SLCO3A1: variants seen among roughly 807,000 people sequenced by gnomAD.
The protein encoded by SLCO3A1 is PGE1 transporter.
SLCO3A1 carries 27 observed loss-of-function variants against 63.1 expected under a neutral mutation model. The observed-to-expected ratio is 0.43, with a 90% CI of 0.32 to 0.59. SLCO3A1 has a LOEUF of 0.59. Among genes scored for constraint, SLCO3A1 ranks in the 20% least tolerant of loss-of-function variants. SLCO3A1 has a pLI of 0.09. For synonymous variants in SLCO3A1, 473 were observed against 409.9 expected, an observed-to-expected ratio of 1.15 and a Z score of -1.86; for missense variants, 773 against 945.8, an observed-to-expected ratio of 0.82 and a Z score of 2.40.
rs1171555216 is a variant in SLCO3A1, at chr15:91,954,575, C to T, written c.646+38117C>T. On this transcript the variant is annotated intron_variant, in intron 2 of 9. Coordinates refer to ENST00000318445, the MANE Select transcript of SLCO3A1 (RefSeq NM_013272.4). This position sits in a 1 kb window ranked among gnomAD's most constrained non-coding sequence, Gnocchi z 4.7. ...GGCTTTCCTGAGAAGTGAATCCAGG[C>T]GCAGAAGGAAGAGGAAGTGGAAGTT... 1.3e-5 allele frequency among the ~76,000 whole-genome samples: 2 copies of T among 152,008 alleles called. No homozygotes were observed. The highest frequency in any genetic ancestry group is 2.4e-5 in the African/African-American group (1 of 41,368).
intron 3 of SLCO3A1, among the ~76,000 whole-genome samples, chr15:92,101,185 C>T (rs1320404024): frequency 6.6e-6 from 1 of 152,126 alleles, no homozygotes; most frequent in Admixed American, 6.5e-5. Context: ...GGAGATTTTT[C>T]ACCAAAACTA....
At chr15:91,867,361 A>G (rs760725243) in intron 1 of SLCO3A1, among the ~76,000 whole-genome samples, 27 of 152,284 alleles carry the variant, frequency 1.8e-4, no homozygotes, top group Non-Finnish European at 2.9e-4. Flanking sequence ...GCTCACCAGT[A>G]TGGGTGCCAC....
chr15:92,043,598 T>C (rs887934964), intron 2 of SLCO3A1, among the ~76,000 whole-genome samples: 7 of 152,248 alleles, frequency 4.6e-5, no homozygotes, highest in Non-Finnish European at 8.8e-5. Flanking sequence ...AGCTTTTCAA[T>C]AGGCTCCATG....
At chr15:92,030,272 A>G (rs1207882808) in intron 2 of SLCO3A1, among the ~76,000 whole-genome samples, 1 of 152,162 alleles carries the variant, frequency 6.6e-6, no homozygotes, top group African/African-American at 2.4e-5. Flanking sequence ...TTATGAATTG[A>G]TGCTTTTCTT....
At chr15:91,996,055 T>C (rs114134902) in intron 2 of SLCO3A1, among the ~76,000 whole-genome samples, 2,531 of 152,144 alleles carry the variant, frequency 0.017, 79 homozygotes, top group African/African-American at 0.058. Flanking sequence ...CAAAATAAGA[T>C]TAGAAAAGAA....
chr15:91,947,826 G>A (rs999857849), intron 2 of SLCO3A1, among the ~76,000 whole-genome samples: 1 of 152,140 alleles, frequency 6.6e-6, no homozygotes, highest in Non-Finnish European at 1.5e-5. Flanking sequence ...CTAGCAGCCA[G>A]GTGACTTTGG....
In SLCO3A1 at chr15:92,033,519, G is replaced by A. The variant is rs941961009; in HGVS notation, c.647-61362G>A. Among the ~76,000 whole-genome samples the A allele has an allele frequency of 1.3e-5, 2 of 152,230 alleles. No homozygotes were observed. Among genetic ancestry groups the A allele is most frequent in the Non-Finnish European group, 2.9e-5 (2 of 68,046 alleles). ...GTGGGCAAAGGAGAACGAGGGAGGA[G>A]CAGAGGGTGACTTCCAGCTGGGACT... On this transcript the variant is annotated intron_variant, in intron 2 of 9. Transcript: ENST00000318445. This position sits in a 1 kb window ranked among gnomAD's most constrained non-coding sequence, Gnocchi z 4.5.
At position 91,942,729 on chromosome 15, in the gene SLCO3A1, C is replaced by T. The variant is rs115857667; in HGVS notation, c.646+26271C>T. 0.013 allele frequency among the ~76,000 whole-genome samples: 1,927 copies of T among 152,178 alleles called. 52 individuals carry two copies. The highest frequency in any genetic ancestry group is 0.042 in the African/African-American group (1,750 of 41,488). On this transcript the variant is annotated intron_variant, in intron 2 of 9. Transcript: ENST00000318445. The surrounding 1 kb of genome is among the most constrained non-coding windows in gnomAD (Gnocchi z 4.1). ...AATTACAGGCGTGCACCACCACGCC[C>T]GGCTAATTTTTGAAAAGAGATGGGG... is the stretch of plus-strand genomic sequence containing the variant.
In SLCO3A1 at chr15:91,954,668, AT is replaced by A. The variant is rs1900110728; in HGVS notation, c.646+38215del. On this transcript the variant is annotated intron_variant, in intron 2 of 9. Transcript: ENST00000318445. This position sits in a 1 kb window ranked among gnomAD's most constrained non-coding sequence, Gnocchi z 4.7. ...AGGTCCAGGAAGTGGCCCATATATG[AT>A]TTTTATCAGGGTGGAGCCCCTGTGG... 6.6e-6 allele frequency among the ~76,000 whole-genome samples: 1 copy of A among 151,646 alleles called. No homozygotes were observed. Among genetic ancestry groups the A allele is most frequent in the Non-Finnish European group, 1.5e-5 (1 of 67,920 alleles).
intron 2 of SLCO3A1, among the ~76,000 whole-genome samples, chr15:91,988,870 G>C (rs193255979): frequency 6.6e-6 from 1 of 152,308 alleles, no homozygotes; most frequent in Admixed American, 6.5e-5. Context: ...TACTAATGCA[G>C]AGCGAGGTAG....
At chr15:91,993,452 A>G (rs1400014864) in intron 2 of SLCO3A1, among the ~76,000 whole-genome samples, 4 of 152,226 alleles carry the variant, frequency 2.6e-5, no homozygotes, top group South Asian at 2.1e-4. Flanking sequence ...TTCCTTGGAA[A>G]TGGCTCAGAA....
At chr15:91,953,104 A>C (rs957943614) in intron 2 of SLCO3A1, among the ~76,000 whole-genome samples, 3 of 152,222 alleles carry the variant, frequency 2.0e-5, no homozygotes, top group African/African-American at 7.2e-5. Flanking sequence ...TTCAGAGTAG[A>C]CTAGGAGGGA....
intron 7 of SLCO3A1, among the ~76,000 whole-genome samples, chr15:92,136,312 A>C (rs560371753): frequency 7.9e-5 from 12 of 152,314 alleles, no homozygotes; most frequent in South Asian, 2.1e-4. Flanking sequence ...ATTAATAGGG[A>C]TCGATCATCA....
At chr15:92,160,357 G>A (rs760836902) in intron 9 of SLCO3A1, among the ~76,000 whole-genome samples, 3 of 152,088 alleles carry the variant, frequency 2.0e-5, no homozygotes, top group Non-Finnish European at 4.4e-5. Context: ...TGCCATGGCA[G>A]TTCCTCCAGT....
At chr15:92,039,866 G>A (rs547250544) in intron 2 of SLCO3A1, among the ~76,000 whole-genome samples, 18 of 147,718 alleles carry the variant, frequency 1.2e-4, no homozygotes, top group South Asian at 2.1e-4. Context: ...CATATACACA[G>A]TGGAATACCA....
At chr15:91,998,092 T>C (rs570359341) in intron 2 of SLCO3A1, among the ~76,000 whole-genome samples, 1 of 152,352 alleles carries the variant, frequency 6.6e-6, no homozygotes, top group African/African-American at 2.4e-5. Flanking sequence ...AAACTATGCA[T>C]TCGACAAAGG....
chr15:92,073,694 A>G (rs1045243027), intron 2 of SLCO3A1, among the ~76,000 whole-genome samples: 3 of 152,160 alleles, frequency 2.0e-5, no homozygotes, highest in African/African-American at 7.2e-5. Flanking sequence ...TTTAGAACGG[A>G]TAATTATTTG....
chr15:91,863,823 C>T lies in SLCO3A1; in HGVS notation c.180+9735C>T, dbSNP rs183939757. On this transcript the variant is annotated intron_variant, in intron 1 of 9. Coordinates refer to ENST00000318445, the MANE Select transcript of SLCO3A1 (RefSeq NM_013272.4). This position sits in a 1 kb window ranked among gnomAD's most constrained non-coding sequence, Gnocchi z 4.3. ...TATTGTGTGGCATGTCGTGTCGCCT[C>T]CCCAGTGCTGGTACATACTTTGTAG... Among the ~76,000 whole-genome samples the T allele has an allele frequency of 2.0e-3, 308 of 152,320 alleles. 1 individual carries two copies. The highest frequency in any genetic ancestry group is 7.1e-3 in the African/African-American group (297 of 41,562).
chr15:92,080,394 T>G (rs1383470632), intron 2 of SLCO3A1, among the ~76,000 whole-genome samples: 2 of 152,080 alleles, frequency 1.3e-5, no homozygotes, highest in Admixed American at 6.6e-5. Flanking sequence ...CATGGAGTTT[T>G]TTTTTTTTTT....
Sources: gnomAD v4.1 joint callset for allele counts (sites outside exome capture counted in the v4.1 genomes callset) on GRCh38, gnomAD v4.1.1 for gene constraint, Gnocchi (gnomAD v3.1) non-coding constraint, MANE v1.5 for transcripts, NCBI Gene and HGNC (gene_info 2026-07-23, HGNC 2026-07-21) for gene names.